The following PDPR variants were observed in gnomAD, a reference collection of about 807,000 sequenced individuals.
PDPR encodes pyruvate dehydrogenase phosphatase regulatory subunit, mitochondrial.
PDPR carries 50 observed loss-of-function variants against 102.2 expected under a neutral mutation model. The ratio of observed to expected loss-of-function variants is 0.49; its 90% CI spans 0.39 to 0.62. The LOEUF is 0.62. Ranked by LOEUF, PDPR falls within the 20% of genes least tolerant of loss-of-function variation. The pLI, the probability that PDPR is intolerant of heterozygous loss-of-function variation, is 0.00. For missense variants in PDPR, 625 were observed against 1,098.2 expected, an observed-to-expected ratio of 0.57 and a Z score of 6.09; for synonymous variants, 259 against 406.0, an observed-to-expected ratio of 0.64 and a Z score of 4.35.
At chr16:70,156,314 A>G (rs1412154767) in intron 18 of PDPR, 161 bp from the exon 19 acceptor site, 6 of 832,466 alleles carry the variant, frequency 7.2e-6, no homozygotes, top group Non-Finnish European at 1.1e-5. Flanking sequence ...GCAGTTTTTC[A>G]CATGGTAGAA....
At chr16:70,123,570 C>T (rs1244302135) in intron 3 of PDPR, among the ~76,000 whole-genome samples, 1 of 152,248 alleles carries the variant, frequency 6.6e-6, no homozygotes, top group African/African-American at 2.4e-5. Flanking sequence ...AAGTCTTTCT[C>T]CTATTTTTTG....
chr16:70,156,872 G>A lies in PDPR; in HGVS notation c.2633G>A (p.Gly878Glu). 6.2e-7 allele frequency: 1 copy of A among 1,613,426 alleles called. No homozygotes were observed. The highest frequency in any genetic ancestry group is 8.5e-7 in the Non-Finnish European group (1 of 1,179,608). ...GACATGGAGCTGAGTGACTTACATG[G>A]GAAGTGATGCCACCAGGGCAGCCTC... is the stretch of plus-strand genomic sequence containing the variant. ...KDDMELSDLH[G>E]K The change falls in exon 19 of 19, where the codon GGG becomes GAG. Residue 878 changes from glycine (G) to glutamate (E), a missense_variant. Physicochemically the swap from Gly to Glu is moderately conservative, Grantham distance 98. Around this residue, in one of 11 missense-constraint regions of PDPR, gnomAD observed 303 missense variants for 258.9 expected, o/e 1.17. Coordinates refer to ENST00000288050, the MANE Select transcript of PDPR (RefSeq NM_017990.5).
chr16:70,134,875 C>G (rs1964950922), intron 9 of PDPR, among the ~76,000 whole-genome samples: 1 of 152,196 alleles, frequency 6.6e-6, no homozygotes, highest in Non-Finnish European at 1.5e-5. Flanking sequence ...TTCCCTCTGA[C>G]CCTTGATGGG....
chr16:70,121,439 C>T (rs1021252624), intron 3 of PDPR, among the ~76,000 whole-genome samples: 5 of 151,534 alleles, frequency 3.3e-5, no homozygotes, highest in Non-Finnish European at 2.9e-5. Flanking sequence ...CACTTGTAAT[C>T]CCAGCACTCT....
rs142301135 is a variant in PDPR, at chr16:70,130,430, G to T, written c.615G>T (p.Gln205His). The T allele has an allele frequency of 6.0e-4, 971 of 1,613,360 alleles. 10 individuals are homozygous for T. The East Asian group carries it at 0.015, about 26-fold the overall frequency. Residue 205 changes from glutamine to histidine, a missense_variant, in exon 7 of 19, where the codon CAG (glutamine) becomes CAT (histidine). Physicochemically the swap from Gln to His is conservative, Grantham distance 24. This residue lies in a region of PDPR where 35 missense variants were observed against 63.5 expected (regional missense o/e 0.55). Transcript: ENST00000288050. ...TTCTTTACCTTGGAACAGGTGTTCA[G>T]ATCTATGACCGGACATCTGTTCTTC... ...LASAASQNGV[Q>H]IYDRTSVLHV...
chr16:70,136,878 G>A (rs566226313), intron 10 of PDPR, among the ~76,000 whole-genome samples: 578 of 151,646 alleles, frequency 3.8e-3, no homozygotes, highest in Non-Finnish European at 5.9e-3. Context: ...GAGTAGCTGG[G>A]ATTAGAGGTG....
At chr16:70,155,156 T>C (rs1966991004) in intron 18 of PDPR, among the ~76,000 whole-genome samples, 1 of 151,918 alleles carries the variant, frequency 6.6e-6, no homozygotes, top group African/African-American at 2.4e-5. Context: ...CATACCATTG[T>C]ACTCCCACCT....
chr16:70,116,189 G>A (rs959747658), intron 2 of PDPR, among the ~76,000 whole-genome samples: 9 of 146,354 alleles, frequency 6.1e-5, no homozygotes, highest in African/African-American at 2.0e-4. Context: ...CAATTTTCCT[G>A]TCTCAGCCTC....
At chr16:70,151,585 G>A (rs1966744396) in intron 17 of PDPR, among the ~76,000 whole-genome samples, 1 of 152,294 alleles carries the variant, frequency 6.6e-6, no homozygotes, top group South Asian at 2.1e-4. Context: ...CCACCCAGTG[G>A]TTCAGGTGTT....
intron 3 of PDPR, among the ~76,000 whole-genome samples, chr16:70,122,137 C>G (rs2152063961): frequency 6.6e-6 from 1 of 152,374 alleles, no homozygotes; most frequent in Admixed American, 6.5e-5. Flanking sequence ...CAGGCACCCA[C>G]CACCATGCCC....
chr16:70,154,690 TG>T (rs1966915621), intron 18 of PDPR, among the ~76,000 whole-genome samples: 2 of 152,250 alleles, frequency 1.3e-5, no homozygotes, highest in Non-Finnish European at 2.9e-5. Flanking sequence ...TCACCCAGGT[TG>T]GAGTGCAGTG....
Position 70,162,055 on chromosome 16 carries a change from G to A in PDPR, c.*5176G>A, listed in dbSNP as rs1200912518. ...TTACACTCCAGAATGTCAGATGGTGGGTGCAGATTGGAAGAAAGAGAAAAG... is the reference window on the plus strand; with the variant it reads ...TTACACTCCAGAATGTCAGATGGTGAGTGCAGATTGGAAGAAAGAGAAAAG... On this transcript the variant is annotated 3_prime_UTR_variant, in exon 19 of 19. Coordinates refer to ENST00000288050, the MANE Select transcript of PDPR (RefSeq NM_017990.5). 1 of 152,398 alleles carries A rather than the reference G, an allele frequency of 6.6e-6. No homozygotes were observed. Among genetic ancestry groups the A allele is most frequent in the African/African-American group, 2.4e-5 (1 of 41,464 alleles). 9.4% of individuals were successfully genotyped at this position (152,398 alleles called of 1,614,324 possible).
In PDPR at chr16:70,160,148, C is replaced by T. The variant is rs1216781026; in HGVS notation, c.*3269C>T. On this transcript the variant is annotated 3_prime_UTR_variant, in exon 19 of 19. Coordinates refer to ENST00000288050, the MANE Select transcript of PDPR (RefSeq NM_017990.5). ...TTGCCAGTTTTCCGTGGGCCTTCCC[C>T]TCCCTTGAAATGTCTTTAATTACCT... is the stretch of plus-strand genomic sequence containing the variant. The T allele has an allele frequency of 6.5e-6, 1 of 153,038 alleles. No individual in the cohort carries two copies. The highest frequency in any genetic ancestry group is 1.5e-5 in the Non-Finnish European group (1 of 68,624). The allele number at this position is 153,038 out of a possible 1,614,324, so 9.5% of individuals were successfully genotyped here.
chr16:70,153,015 G>A (rs879673711), intron 17 of PDPR, among the ~76,000 whole-genome samples: 14 of 152,286 alleles, frequency 9.2e-5, no homozygotes, highest in Admixed American at 1.3e-4. Context: ...AACAAAGCCA[G>A]AATCAGATGA....
At chr16:70,149,137 C>A (rs185844473) in intron 17 of PDPR, among the ~76,000 whole-genome samples, 2 of 151,932 alleles carry the variant, frequency 1.3e-5, no homozygotes, top group African/African-American at 4.8e-5. Flanking sequence ...TCAGGTGATA[C>A]ACCCACCTTG....
chr16:70,147,789 G>T (rs1377540190), intron 16 of PDPR: 1 of 367,318 alleles, frequency 2.7e-6, no homozygotes, highest in Non-Finnish European at 5.4e-6. Context: ...ACTCTCCACT[G>T]TTAGCTATCA....
rs1173544070 is a variant in PDPR, at chr16:70,152,242, G to A, written c.2053-1149G>A. ...TTTCCACATTTAAAGTTGTCTTCCC[G>A]GCACGGTGGCTCATGTCTGTAATCC... On this transcript the variant is annotated intron_variant, in intron 17 of 18. Transcript: ENST00000288050. Among the ~76,000 whole-genome samples, 9 of 152,388 alleles carry A rather than the reference G, an allele frequency of 5.9e-5. No homozygotes were observed. The South Asian group carries it at 6.2e-4, about 11-fold the overall frequency.
At chr16:70,134,872 T>C (rs1448419526) in intron 9 of PDPR, among the ~76,000 whole-genome samples, 3 of 152,374 alleles carry the variant, frequency 2.0e-5, no homozygotes, top group East Asian at 1.9e-4. Context: ...AATTTCCCTC[T>C]GACCCTTGAT....
intron 16 of PDPR, among the ~76,000 whole-genome samples, chr16:70,147,375 A>G (rs546431464): frequency 1.3e-5 from 2 of 152,364 alleles, no homozygotes; most frequent in African/African-American, 2.4e-5. Flanking sequence ...TTGAAGTTAC[A>G]GGATTATGAC....
Sources: gnomAD v4.1 joint callset for allele counts (sites outside exome capture counted in the v4.1 genomes callset) on GRCh38, gnomAD v4.1.1 for gene constraint, gnomAD v4.1.1 regional missense constraint, MANE v1.5 for transcripts, NCBI Gene and HGNC (gene_info 2026-07-23, HGNC 2026-07-21) for gene names.